The following AGAP1 variants were observed in gnomAD, a reference collection of about 807,000 sequenced individuals.
The protein encoded by AGAP1 is ArfGAP with GTPase domain, ankyrin repeat and PH domain 1.
In AGAP1, 29 loss-of-function variants were observed where a neutral mutation model predicts 105.3. The observed-to-expected ratio is 0.28, with a 90% confidence interval of 0.21 to 0.38. The LOEUF (loss-of-function observed/expected upper bound fraction) is 0.38, where lower values mean the gene tolerates loss of function less well. Ranked by LOEUF, AGAP1 falls within the 10% of genes least tolerant of loss-of-function variation. The probability of loss-of-function intolerance (pLI) is 1.00; values close to 1 mark genes in which losing one functional copy is unlikely to be tolerated. For missense variants in AGAP1, 998 were observed against 1,165.1 expected (o/e 0.86, Z 2.09); for synonymous variants, 509 against 485.9 (o/e 1.05, Z -0.63).
rs761285680 is a variant in AGAP1, at chr2:236,038,627, T to C, written c.1800+1912T>C. Among the ~76,000 whole-genome samples, 4 of 152,136 alleles carry C rather than the reference T, an allele frequency of 2.6e-5. No individual in the cohort carries two copies. The highest frequency in any genetic ancestry group is 6.5e-5 in the Admixed American group (1 of 15,272). ...TGAACAGGTGTGAGGGCATAAAACA[T>C]GGAAATACTGTCCACAAGGAGTAGC... On this transcript the variant is annotated intron_variant, in intron 14 of 17. Coordinates refer to ENST00000304032, the MANE Select transcript of AGAP1 (RefSeq NM_001037131.3). The surrounding 1 kb of genome is among the most constrained non-coding windows in gnomAD (Gnocchi z 4.5).
intron 9 of AGAP1, among the ~76,000 whole-genome samples, chr2:235,810,470 A>G (rs1958075596): frequency 6.6e-6 from 1 of 152,106 alleles, no homozygotes; most frequent in African/African-American, 2.4e-5. Context: ...TCTTTCCCCC[A>G]GCAGGAGTCT....
chr2:236,088,420 G>T (rs1037206677), intron 16 of AGAP1, among the ~76,000 whole-genome samples: 2 of 152,176 alleles, frequency 1.3e-5, no homozygotes, highest in Non-Finnish European at 2.9e-5. Flanking sequence ...CATCTTGGAG[G>T]GTAAGACACT....
chr2:236,084,682 C>G (rs190794294), intron 16 of AGAP1, among the ~76,000 whole-genome samples: 2 of 151,916 alleles, frequency 1.3e-5, no homozygotes, highest in African/African-American at 2.4e-5. Flanking sequence ...GCAGGCAGAT[C>G]ATTTGAGGTC....
At position 236,124,181 on chromosome 2, in the gene AGAP1, C is replaced by T. The variant is rs2059967272; in HGVS notation, c.*59C>T. Reference sequence around the variant, plus strand: ...GGACGCGGCAGCCTCGCCGCATTCTCGCTCAGAAGTCGCAGCACGTGAGTC... The same window carrying T: ...GGACGCGGCAGCCTCGCCGCATTCTTGCTCAGAAGTCGCAGCACGTGAGTC... On this transcript the variant is annotated 3_prime_UTR_variant, in exon 18 of 18. Coordinates refer to ENST00000304032, the MANE Select transcript of AGAP1 (RefSeq NM_001037131.3). The surrounding 1 kb of genome is among the most constrained non-coding windows in gnomAD (Gnocchi z 5.1). 7.6e-6 allele frequency: 12 copies of T among 1,577,674 alleles called. No homozygotes were observed. Among genetic ancestry groups the T allele is most frequent in the Admixed American group, 5.2e-5 (3 of 57,234 alleles).
intron 3 of AGAP1, among the ~76,000 whole-genome samples, chr2:235,727,227 A>C (rs1221654351): frequency 6.6e-6 from 1 of 152,036 alleles, no homozygotes; most frequent in Non-Finnish European, 1.5e-5. Context: ...CTTGAGCAGG[A>C]GTATGATAGA....
intron 1 of AGAP1, among the ~76,000 whole-genome samples, chr2:235,585,519 G>A (rs946479728): frequency 6.6e-6 from 1 of 152,206 alleles, no homozygotes; most frequent in Non-Finnish European, 1.5e-5. Context: ...CCAGGAATGA[G>A]TCTGTGGGCA....
At position 235,712,596 on chromosome 2, in the gene AGAP1, G is replaced by A. The variant is rs1489877329; in HGVS notation, c.222+3359G>A. ...TTTCAGCAAACCTCAGGGTTAGTGTGGGGCTCTGGAGAAATCAGTTTAGGA... is the reference window on the plus strand; with the variant it reads ...TTTCAGCAAACCTCAGGGTTAGTGTAGGGCTCTGGAGAAATCAGTTTAGGA... On this transcript the variant is annotated intron_variant, in intron 2 of 17. Coordinates refer to ENST00000304032, the MANE Select transcript of AGAP1 (RefSeq NM_001037131.3). This position sits in a 1 kb window ranked among gnomAD's most constrained non-coding sequence, Gnocchi z 6.0. Among the ~76,000 whole-genome samples, 1 of 152,200 alleles carries A rather than the reference G, an allele frequency of 6.6e-6. No individual in the cohort carries two copies. The highest frequency in any genetic ancestry group is 1.5e-5 in the Non-Finnish European group (1 of 68,042).
In AGAP1 at chr2:235,982,180, T is replaced by C. The variant is rs2055126274; in HGVS notation, c.1645+13557T>C. Reference sequence around the variant, plus strand: ...AGCTGGCATATATAATGATGATCTCTTCGCAGCCTGGTAATTTTACCTGGA... The same window carrying C: ...AGCTGGCATATATAATGATGATCTCCTCGCAGCCTGGTAATTTTACCTGGA... On this transcript the variant is annotated intron_variant, in intron 13 of 17. Transcript: ENST00000304032. This position sits in a 1 kb window ranked among gnomAD's most constrained non-coding sequence, Gnocchi z 4.9. Among the ~76,000 whole-genome samples, 1 of 152,224 alleles carries C rather than the reference T, an allele frequency of 6.6e-6. No homozygotes were observed. The highest frequency in any genetic ancestry group is 6.5e-5 in the Admixed American group (1 of 15,278).
intron 9 of AGAP1, among the ~76,000 whole-genome samples, chr2:235,844,362 G>A (rs1402978718): frequency 1.3e-5 from 2 of 152,344 alleles, no homozygotes; most frequent in East Asian, 3.9e-4. Flanking sequence ...TCCCTCACTT[G>A]CGCCCTCCTC....
intron 1 of AGAP1, among the ~76,000 whole-genome samples, chr2:235,679,383 G>A (rs1948939338): frequency 6.6e-6 from 1 of 152,128 alleles, no homozygotes; most frequent in Non-Finnish European, 1.5e-5. Context: ...TTGCCCAGGT[G>A]GATTTCTTAT....
chr2:236,084,667 C>G (rs969697131), intron 16 of AGAP1, among the ~76,000 whole-genome samples: 1 of 152,040 alleles, frequency 6.6e-6, no homozygotes, highest in Non-Finnish European at 1.5e-5. Context: ...CTTTGGGAGG[C>G]TGAAGCAGGC....
rs986896995 is a variant in AGAP1 at position 235,728,326 on chromosome 2, T to TGTGTGTGTGTGTGC, written c.310+10683_310+10684insTGTGTGTGTGTGCG. 1.8e-4 allele frequency among the ~76,000 whole-genome samples: 28 copies of TGTGTGTGTGTGTGC among 151,742 alleles called. No individual in the cohort carries two copies. Among genetic ancestry groups the TGTGTGTGTGTGTGC allele is most frequent in the African/African-American group, 6.3e-4 (26 of 41,204 alleles). ...CTGTGTGTGTGTGTGTGTGTGTGTG[T>TGTGTGTGTGTGTGC]GCGTGCTCTTAAATCAATGTAAATT... On this transcript the variant is annotated intron_variant, in intron 3 of 17. Coordinates refer to ENST00000304032, the MANE Select transcript of AGAP1 (RefSeq NM_001037131.3). This position sits in a 1 kb window ranked among gnomAD's most constrained non-coding sequence, Gnocchi z 4.3.
At chr2:236,060,817 G>T (rs1341320657) in intron 16 of AGAP1, among the ~76,000 whole-genome samples, 1 of 152,100 alleles carries the variant, frequency 6.6e-6, no homozygotes, top group Non-Finnish European at 1.5e-5. Context: ...ATCCCAGCAT[G>T]TGGGGAGGCT....
rs181396501 is a variant in AGAP1 at position 235,979,795 on chromosome 2, T to A, written c.1645+11172T>A. On this transcript the variant is annotated intron_variant, in intron 13 of 17. Coordinates refer to ENST00000304032, the MANE Select transcript of AGAP1 (RefSeq NM_001037131.3). The surrounding 1 kb of genome is among the most constrained non-coding windows in gnomAD (Gnocchi z 4.5). ...TGAAAAGTGCCTACTGCACACAGTTTAATTCTATTTAATTTTTTTAAGTGG... is the reference window on the plus strand; with the variant it reads ...TGAAAAGTGCCTACTGCACACAGTTAAATTCTATTTAATTTTTTTAAGTGG... Among the ~76,000 whole-genome samples the A allele has an allele frequency of 2.0e-5, 3 of 152,338 alleles. No homozygotes were observed. Among genetic ancestry groups the A allele is most frequent in the Admixed American group, 2.0e-4 (3 of 15,304 alleles).
intron 1 of AGAP1, among the ~76,000 whole-genome samples, chr2:235,654,547 G>T (rs902470352): frequency 1.3e-5 from 2 of 152,200 alleles, no homozygotes; most frequent in Non-Finnish European, 2.9e-5. Flanking sequence ...GTAAAGAATG[G>T]TTCACCAAGT....
rs549520657 is a variant in AGAP1, at chr2:235,608,492, T to C, written c.164-100687T>C. ...GGGTGGTCAGGCCCTGGGTCCCATG[T>C]TGGCAGCCTCCCTGGCCCAGCGTTG... On this transcript the variant is annotated intron_variant, in intron 1 of 17. Transcript: ENST00000304032. This position sits in a 1 kb window ranked among gnomAD's most constrained non-coding sequence, Gnocchi z 5.4. Among the ~76,000 whole-genome samples, 1 of 152,218 alleles carries C rather than the reference T, an allele frequency of 6.6e-6. No homozygotes were observed. The highest frequency in any genetic ancestry group is 2.4e-5 in the African/African-American group (1 of 41,538).
At chr2:235,780,959 G>C (rs1372489973) in intron 6 of AGAP1, among the ~76,000 whole-genome samples, 1 of 152,142 alleles carries the variant, frequency 6.6e-6, no homozygotes, top group African/African-American at 2.4e-5. Flanking sequence ...ACATGTATAA[G>C]AATAAAATTC....
At chr2:235,797,471 C>T (rs1195469493) in intron 6 of AGAP1, among the ~76,000 whole-genome samples, 1 of 151,676 alleles carries the variant, frequency 6.6e-6, no homozygotes, top group African/African-American at 2.4e-5. Context: ...AAGGGAGGCT[C>T]TCCAGGAAGA....
Position 235,874,827 on chromosome 2 carries a change from G to T in AGAP1, c.1051-8518G>T, listed in dbSNP as rs1029089389. Among the ~76,000 whole-genome samples the T allele has an allele frequency of 6.6e-6, 1 of 152,204 alleles. No homozygotes were observed. The highest frequency in any genetic ancestry group is 2.1e-4 in the South Asian group (1 of 4,834). ...AGTGTGTGTGTGCATGTGTGTGTGC[G>T]TGTGCTCTTGCACACGCTCATGGAT... On this transcript the variant is annotated intron_variant, in intron 9 of 17. Coordinates refer to ENST00000304032, the MANE Select transcript of AGAP1 (RefSeq NM_001037131.3). The surrounding 1 kb of genome is among the most constrained non-coding windows in gnomAD (Gnocchi z 4.5).
Sources: allele counts gnomAD v4.1 joint callset (sites outside exome capture counted in the v4.1 genomes callset), GRCh38; gene constraint gnomAD v4.1.1; non-coding constraint Gnocchi (gnomAD v3.1); transcripts MANE v1.5; gene names NCBI Gene and HGNC (gene_info 2026-07-23, HGNC 2026-07-21).